The following SCAF11 variants were observed in gnomAD, a reference collection of about 807,000 sequenced individuals.
SCAF11 encodes protein SCAF11.
In SCAF11, 47 loss-of-function variants were observed where a neutral mutation model predicts 140.5. The observed-to-expected ratio is 0.33, with a 90% CI of 0.26 to 0.43. The LOEUF (loss-of-function observed/expected upper bound fraction) is 0.43, where lower values mean the gene tolerates loss of function less well. Ranked by LOEUF, SCAF11 falls within the 20% of genes least tolerant of loss-of-function variation. The pLI is 1.00. For missense variants in SCAF11, 1,645 were observed against 1,705.1 expected, an observed-to-expected ratio of 0.96 and a Z score of 0.62; for synonymous variants, 557 against 579.4, an observed-to-expected ratio of 0.96 and a Z score of 0.55.
intron 4 of SCAF11, among the ~76,000 whole-genome samples, chr12:45,950,220 A>T (rs1945518203): frequency 6.6e-6 from 1 of 152,132 alleles, no homozygotes; most frequent in Non-Finnish European, 1.5e-5. Flanking sequence ...GTTCTATGGG[A>T]ACTGAAAAGT....
At chr12:45,958,044 G>GCATACTC (rs1945737935) in intron 3 of SCAF11, among the ~76,000 whole-genome samples, 1 of 151,614 alleles carries the variant, frequency 6.6e-6, no homozygotes, top group East Asian at 1.9e-4. Context: ...GGGACTACAG[G>GCATACTC]CATACTCCAC....
At chr12:45,974,282 T>C in intron 1 of SCAF11, 3 of 466,090 alleles carry the variant, frequency 6.4e-6, no homozygotes, top group South Asian at 1.6e-5. Flanking sequence ...ATGTTGATGG[T>C]TGCTGACTAA....
At chr12:45,990,598 C>T (rs1592236653), upstream of SCAF11, 2 of 1,228,406 alleles carry the variant, frequency 1.6e-6, no homozygotes, top group Non-Finnish European at 2.0e-6. Context: ...CTTGTCTAGC[C>T]TCCTCCCTCC....
chr12:45,963,997 G>A, intron 2 of SCAF11, 110 bp downstream of exon 2: 1 of 627,254 alleles, frequency 1.6e-6, no homozygotes, highest in Non-Finnish European at 2.8e-6. Context: ...TGGAATTTAA[G>A]AACAACAATA....
At chr12:45,944,772 A>G (rs1406289962) in intron 6 of SCAF11, among the ~76,000 whole-genome samples, 1 of 104,318 alleles carries the variant, frequency 9.6e-6, no homozygotes, top group Non-Finnish European at 1.9e-5. Context: ...ATGTAGATAA[A>G]TATGTTAGAG....
intron 1 of SCAF11, among the ~76,000 whole-genome samples, chr12:45,986,589 G>T (rs1218316924): frequency 6.6e-6 from 1 of 152,062 alleles, no homozygotes; most frequent in African/African-American, 2.4e-5. Context: ...GCTTCTAAAT[G>T]ACAACATTTT....
chr12:45,975,476 A>C (rs1394444391), intron 1 of SCAF11: 1 of 162,450 alleles, frequency 6.2e-6, no homozygotes, highest in Non-Finnish European at 1.3e-5. Flanking sequence ...CCGCATCACC[A>C]CTTGCTGCTT....
chr12:45,932,916 T>C (rs1945085326), intron 9 of SCAF11, among the ~76,000 whole-genome samples: 1 of 152,166 alleles, frequency 6.6e-6, no homozygotes, highest in Non-Finnish European at 1.5e-5. Context: ...TATACACAGC[T>C]ATACTTGTTA....
intron 1 of SCAF11, among the ~76,000 whole-genome samples, chr12:45,987,218 G>T (rs1946477203): frequency 6.6e-6 from 1 of 152,176 alleles, no homozygotes; most frequent in African/African-American, 2.4e-5. Flanking sequence ...CAGCCTGGGA[G>T]ACAGCGAGAT....
chr12:45,974,226 G>T lies in SCAF11; in HGVS notation c.-21-10038C>A, dbSNP rs115573477. 531 of 470,762 alleles carry T rather than the reference G, an allele frequency of 1.1e-3. 3 individuals carry two copies. The highest frequency in any genetic ancestry group is 9.7e-3 in the African/African-American group (489 of 50,170). 29.2% of individuals were successfully genotyped at this position (470,762 alleles called of 1,614,324 possible). On this transcript the variant is annotated intron_variant, in intron 1 of 14. Transcript: ENST00000369367. Reference sequence around the variant, plus strand: ...AAATGCTAACAATCATCTCAGCAAGGCTTCAGCAAGTCATAATCTTTTTGA... The same window carrying T: ...AAATGCTAACAATCATCTCAGCAAGTCTTCAGCAAGTCATAATCTTTTTGA...
At chr12:45,974,553 A>T (rs1409454310) in intron 1 of SCAF11, 1 of 189,726 alleles carries the variant, frequency 5.3e-6, no homozygotes, top group Non-Finnish European at 1.1e-5. Context: ...ATTCCATCTC[A>T]AGAAACCACA....
Position 45,926,935 on chromosome 12 carries a change from C to A in SCAF11, c.2766G>T (p.Arg922Ser). The change falls in exon 11 of 15, where the codon AGG (arginine) becomes AGT (serine). Residue 922 changes from arginine (R) to serine (S), a missense_variant. Physicochemically the swap from Arg to Ser is moderately radical, Grantham distance 110. This residue lies in a region of SCAF11 where 1,582 missense variants were observed against 1,609.2 expected (regional missense o/e 0.98). Transcript: ENST00000369367. Reference protein sequence around the residue: ...RERESDRDGQRRERERRTRKW... With the variant: ...RERESDRDGQSRERERRTRKW... ...TTCTGGTTCTCCTTTCTCTCTCTCT[C>A]CTCTGCCCATCTCTATCACTTTCTC... 1 of 1,612,586 alleles carries A rather than the reference C, an allele frequency of 6.2e-7. No individual in the cohort carries two copies. Among genetic ancestry groups the A allele is most frequent in the South Asian group, 1.1e-5 (1 of 91,076 alleles).
intron 3 of SCAF11, 188 bp downstream of exon 3, chr12:45,961,512 C>T (rs986050646): frequency 1.7e-6 from 1 of 585,502 alleles, no homozygotes; most frequent in Non-Finnish European, 3.0e-6. Context: ...ATATTATTTG[C>T]AAAATCAAAG....
At chr12:45,925,752 G>C (rs1054966464) in intron 11 of SCAF11, among the ~76,000 whole-genome samples, 1 of 151,754 alleles carries the variant, frequency 6.6e-6, no homozygotes, top group Non-Finnish European at 1.5e-5. Flanking sequence ...AAAAAACAAG[G>C]AAATATAAAT....
intron 1 of SCAF11, among the ~76,000 whole-genome samples, chr12:45,988,189 C>T (rs967692192): frequency 1.3e-5 from 2 of 152,148 alleles, no homozygotes; most frequent in African/African-American, 4.8e-5. Context: ...GTACAATTTA[C>T]ATCTTAAAAG....
chr12:45,968,770 G>A (rs565118191), intron 1 of SCAF11, among the ~76,000 whole-genome samples: 11 of 152,112 alleles, frequency 7.2e-5, no homozygotes, highest in African/African-American at 1.9e-4. Flanking sequence ...GTGAAACCCC[G>A]TCGCTACTAA....
intron 2 of SCAF11, among the ~76,000 whole-genome samples, chr12:45,962,808 G>C (rs1399857068): frequency 1.3e-5 from 2 of 152,094 alleles, no homozygotes; most frequent in Non-Finnish European, 2.9e-5. Flanking sequence ...TCCCAGCATG[G>C]GCCTGGGAAG....
At chr12:45,966,541 T>C (rs1004530595) in intron 1 of SCAF11, among the ~76,000 whole-genome samples, 5 of 151,484 alleles carry the variant, frequency 3.3e-5, no homozygotes, top group Admixed American at 3.3e-4. Context: ...TATTAAGGAA[T>C]AAAAAAAGAG....
chr12:45,974,379 C>G, intron 1 of SCAF11: 1 of 355,096 alleles, frequency 2.8e-6, no homozygotes, highest in South Asian at 2.1e-5. Flanking sequence ...CACTGACACT[C>G]CTTTCACAAA....
Sources: gnomAD v4.1 joint callset for allele counts (sites outside exome capture counted in the v4.1 genomes callset) on GRCh38, gnomAD v4.1.1 for gene constraint, gnomAD v4.1.1 regional missense constraint, MANE v1.5 for transcripts, NCBI Gene and HGNC (gene_info 2026-07-23, HGNC 2026-07-21) for gene names.